Variants in UGT1A8 observed in about 807,000 individuals in gnomAD.
UGT1A8 encodes the protein UDP-glucuronosyltransferase 1A8.
UGT1A8 carries 39 observed loss-of-function variants against 45.3 expected under a neutral mutation model. The observed-to-expected ratio is 0.86, with a 90% CI of 0.67 to 1.12. The LOEUF is 1.12. UGT1A8 is among the 50% of genes most tolerant of loss of function. The pLI is 0.00. For missense variants in UGT1A8, 719 were observed against 664.9 expected (o/e 1.08, Z -0.90); for synonymous variants, 275 against 249.2 (o/e 1.10, Z -0.97).
chr2:233,650,317 T>G (rs2073709145), intron 1 of UGT1A8, among the ~76,000 whole-genome samples: 1 of 152,216 alleles, frequency 6.6e-6, no homozygotes, highest in South Asian at 2.1e-4. Flanking sequence ...GGGTTTGTTC[T>G]TGTCTGCAGC....
At chr2:233,747,990 G>C in intron 1 of UGT1A8, 1 of 1,613,472 alleles carries the variant, frequency 6.2e-7, no homozygotes, top group Non-Finnish European at 8.5e-7. Flanking sequence ...GTTCCGAGGG[G>C]ACTTTGTGAT....
chr2:233,729,968 G>C (rs201755757), intron 1 of UGT1A8: 1 of 1,614,008 alleles, frequency 6.2e-7, no homozygotes. Context: ...GGCATCAACT[G>C]TGCCAACAGG....
At chr2:233,668,519 T>A (rs2074122001) in intron 1 of UGT1A8, among the ~76,000 whole-genome samples, 1 of 152,202 alleles carries the variant, frequency 6.6e-6, no homozygotes, top group Admixed American at 6.5e-5. Context: ...TAAACATACG[T>A]GTGCATGTGT....
intron 1 of UGT1A8, among the ~76,000 whole-genome samples, chr2:233,761,398 A>G (rs1697764462): frequency 6.6e-6 from 1 of 152,192 alleles, no homozygotes; most frequent in Non-Finnish European, 1.5e-5. Context: ...AGTGGATAGT[A>G]ATCAATTAGA....
chr2:233,713,181 G>A, intron 1 of UGT1A8: 2 of 1,614,248 alleles, frequency 1.2e-6, no homozygotes, highest in Non-Finnish European at 1.7e-6. Flanking sequence ...CCTCACCCTG[G>A]AGGTGAATAT....
chr2:233,671,478 T>A (rs1021019712), intron 1 of UGT1A8, among the ~76,000 whole-genome samples: 16 of 152,154 alleles, frequency 1.1e-4, no homozygotes, highest in Non-Finnish European at 1.6e-4. Flanking sequence ...AAGGGCCTTG[T>A]TTTCTTTGCT....
chr2:233,641,684 AG>A (rs2073457071), intron 1 of UGT1A8, among the ~76,000 whole-genome samples: 1 of 152,160 alleles, frequency 6.6e-6, no homozygotes, highest in South Asian at 2.1e-4. Flanking sequence ...CATTTCTTGT[AG>A]GATCGGTCTG....
intron 1 of UGT1A8, among the ~76,000 whole-genome samples, chr2:233,737,681 C>T (rs2125810058): frequency 6.6e-6 from 1 of 152,268 alleles, no homozygotes; most frequent in South Asian, 2.1e-4. Context: ...TCCTATTTGG[C>T]CATTGGTGCT....
chr2:233,719,296 C>G, intron 1 of UGT1A8: 1 of 1,613,940 alleles, frequency 6.2e-7, no homozygotes, highest in South Asian at 1.1e-5. Flanking sequence ...CTCTGTGGGG[C>G]GGTGCTGGCT....
At chr2:233,679,888 C>G (rs920691751) in intron 1 of UGT1A8, among the ~76,000 whole-genome samples, 1 of 152,038 alleles carries the variant, frequency 6.6e-6, no homozygotes, top group African/African-American at 2.4e-5. Flanking sequence ...AATCCTACAC[C>G]CACATTAAAG....
chr2:233,649,886 C>T (rs1196479852), intron 1 of UGT1A8, among the ~76,000 whole-genome samples: 4 of 152,118 alleles, frequency 2.6e-5, no homozygotes, highest in African/African-American at 4.8e-5. Context: ...CATTGCTTTG[C>T]TTGTGCTTTG....
chr2:233,719,024 C>T (rs2076714368), intron 1 of UGT1A8: 2 of 1,614,250 alleles, frequency 1.2e-6, no homozygotes, highest in Non-Finnish European at 8.5e-7. Context: ...TGAATATGCA[C>T]ATCAAAGAAG....
intron 4 of UGT1A8, chr2:233,771,323 A>G (rs112105474): frequency 2.6e-5 from 4 of 151,390 alleles, no homozygotes; most frequent in Admixed American, 6.6e-5. Flanking sequence ...CTCCTCTTCA[A>G]TCTCCTCTTC....
chr2:233,713,649 C>A lies in UGT1A8; in HGVS notation c.856-53385C>A, dbSNP rs2076336502. 5.6e-6 allele frequency: 9 copies of A among 1,613,872 alleles called. No individual in the cohort carries two copies. The East Asian group carries it at 2.0e-4, about 36-fold the overall frequency. On this transcript the variant is annotated intron_variant, in intron 1 of 4. Transcript: ENST00000373450. ...CAAGAACATGCTCTACCCTCTGGCC[C>A]TGTCCTACCTTTGCCATGCTGTTTC... is the stretch of plus-strand genomic sequence containing the variant.
intron 1 of UGT1A8, among the ~76,000 whole-genome samples, chr2:233,699,257 C>T (rs2075494314): frequency 6.6e-6 from 1 of 152,074 alleles, no homozygotes; most frequent in African/African-American, 2.4e-5. Context: ...CTTTCCTCTT[C>T]CTATAGGGGC....
At chr2:233,634,722 T>C (rs1299906459) in intron 1 of UGT1A8, among the ~76,000 whole-genome samples, 1 of 151,520 alleles carries the variant, frequency 6.6e-6, no homozygotes, top group East Asian at 1.9e-4. Context: ...GTCTTCTGAA[T>C]GCAGCACACT....
At chr2:233,719,389 C>A (rs1343929267) in intron 1 of UGT1A8, 1 of 1,613,916 alleles carries the variant, frequency 6.2e-7, no homozygotes, top group Admixed American at 1.7e-5. Flanking sequence ...TGTCCAAATC[C>A]TTCCTCCTAT....
intron 1 of UGT1A8, among the ~76,000 whole-genome samples, chr2:233,644,245 C>T (rs1377015739): frequency 6.6e-6 from 1 of 152,200 alleles, no homozygotes; most frequent in African/African-American, 2.4e-5. Context: ...CTGAGATCAG[C>T]AATTTCCCTC....
intron 1 of UGT1A8, among the ~76,000 whole-genome samples, chr2:233,638,304 C>G (rs1422303134): frequency 6.6e-6 from 1 of 152,122 alleles, no homozygotes; most frequent in Non-Finnish European, 1.5e-5. Context: ...TTGTACAGGG[C>G]AATGTTTCCA....
Sources: gnomAD v4.1 joint callset for allele counts (sites outside exome capture counted in the v4.1 genomes callset) on GRCh38, gnomAD v4.1.1 for gene constraint, MANE v1.5 for transcripts, NCBI Gene and HGNC (gene_info 2026-07-23, HGNC 2026-07-21) for gene names.